The following CCDC144A variants were observed in gnomAD, a reference collection of about 807,000 sequenced individuals.
CCDC144A encodes the protein coiled-coil domain-containing protein 144A.
Under a neutral mutation model 143.8 loss-of-function variants are expected in CCDC144A, and 41 were observed. The observed-to-expected ratio is 0.29, with a 90% CI of 0.22 to 0.37. CCDC144A has a LOEUF of 0.37. Among genes scored for constraint, CCDC144A ranks in the 10% least tolerant of loss-of-function variants. CCDC144A has a pLI of 1.00. For synonymous variants in CCDC144A, 242 were observed against 517.9 expected, an observed-to-expected ratio of 0.47 and a Z score of 7.23; for missense variants, 637 against 1,488.8, an observed-to-expected ratio of 0.43 and a Z score of 9.41.
chr17:16,725,036 T>G (rs1328093734), intron 8 of CCDC144A, among the ~76,000 whole-genome samples: 1 of 111,066 alleles, frequency 9.0e-6, no homozygotes, highest in Admixed American at 9.5e-5. Context: ...TTTTTTTTTG[T>G]GTGAAATCTA....
At chr17:16,763,740 CTTGT>C (rs1308245284) in intron 14 of CCDC144A, among the ~76,000 whole-genome samples, 1 of 151,386 alleles carries the variant, frequency 6.6e-6, no homozygotes, top group Non-Finnish European at 1.5e-5. Flanking sequence ...CTTTGAACTA[CTTGT>C]TTGTTAGAAA....
chr17:16,740,380 A>G (rs1032058647), intron 12 of CCDC144A, among the ~76,000 whole-genome samples: 19 of 152,222 alleles, frequency 1.2e-4, no homozygotes, highest in Non-Finnish European at 2.8e-4. Flanking sequence ...TTATAGTTCA[A>G]TACATAATTC....
intron 12 of CCDC144A, among the ~76,000 whole-genome samples, chr17:16,753,430 T>TTTTTTTGTTGTTGTTG (rs1914904117): frequency 1.5e-5 from 1 of 66,912 alleles, no homozygotes; most frequent in African/African-American, 7.8e-5. Context: ...GTTTTGTAGT[T>TTTTTTTGTTGTTGTTG]TTTTTTTTTT....
intron 11 of CCDC144A, among the ~76,000 whole-genome samples, 171 bp from the exon 12 acceptor site, chr17:16,734,519 T>C (rs1432722656): frequency 1.3e-5 from 2 of 152,336 alleles, no homozygotes; most frequent in Middle Eastern, 3.4e-3. Flanking sequence ...AATAAACTTA[T>C]GAAGTTTTGG....
intron 8 of CCDC144A, among the ~76,000 whole-genome samples, chr17:16,724,374 A>G (rs573434672): frequency 6.6e-6 from 1 of 152,244 alleles, no homozygotes; most frequent in Admixed American, 6.5e-5. Flanking sequence ...TGTCTCTACT[A>G]AAAATACAAA....
chr17:16,704,863 A>G (rs1911954318), intron 2 of CCDC144A, among the ~76,000 whole-genome samples: 1 of 152,222 alleles, frequency 6.6e-6, no homozygotes, highest in South Asian at 2.1e-4. Flanking sequence ...ATATCCACGA[A>G]GAATCTTAAT....
At chr17:16,734,570 T>G (rs2143246691) in intron 11 of CCDC144A, 120 bp from the exon 12 acceptor site, 11 of 798,664 alleles carry the variant, frequency 1.4e-5, no homozygotes, top group South Asian at 2.3e-5. Flanking sequence ...GATAGAATAT[T>G]TTTTTCCAGT....
chr17:16,678,912 G>A, the CCDC144A span, among the ~76,000 whole-genome samples: 2 of 151,754 alleles, frequency 1.3e-5, no homozygotes, highest in African/African-American at 2.4e-5. Context: ...GTGCCACCAC[G>A]CCCGGCTAAT....
chr17:16,745,756 G>A (rs1914471661), intron 12 of CCDC144A: 36 of 1,613,608 alleles, frequency 2.2e-5, no homozygotes, highest in Non-Finnish European at 2.8e-5. Context: ...AAGGCTGGCC[G>A]GTCCTTGTTT....
At chr17:16,668,564 TA>T in the CCDC144A span, among the ~76,000 whole-genome samples, 1 of 152,236 alleles carries the variant, frequency 6.6e-6, no homozygotes, top group African/African-American at 2.4e-5. Context: ...GCTTTTGACA[TA>T]ATGAAAGTGC....
intron 12 of CCDC144A, among the ~76,000 whole-genome samples, chr17:16,745,204 G>A (rs1679115228): frequency 6.8e-6 from 1 of 147,602 alleles, no homozygotes; most frequent in African/African-American, 2.5e-5. Context: ...CGACACCATG[G>A]CTCAGAGGCC....
intron 12 of CCDC144A, among the ~76,000 whole-genome samples, chr17:16,758,178 T>C (rs1227613171): frequency 6.6e-6 from 1 of 152,214 alleles, no homozygotes; most frequent in Non-Finnish European, 1.5e-5. Flanking sequence ...CCTATAACTA[T>C]AATTTAAAAG....
chr17:16,719,999 T>C (rs1243539768), intron 6 of CCDC144A, among the ~76,000 whole-genome samples, 199 bp from the exon 7 acceptor site: 1 of 152,198 alleles, frequency 6.6e-6, no homozygotes, highest in Non-Finnish European at 1.5e-5. Flanking sequence ...CCCTTAATGT[T>C]GCTGTTTCTG....
chr17:16,754,629 G>A (rs1914986774), intron 12 of CCDC144A, among the ~76,000 whole-genome samples: 1 of 152,158 alleles, frequency 6.6e-6, no homozygotes, highest in African/African-American at 2.4e-5. Context: ...TATTTGATAT[G>A]AGCTTTTAAA....
rs1410069472 is a variant in CCDC144A, at chr17:16,777,779, C to T, written c.*4146C>T. On this transcript the variant is annotated 3_prime_UTR_variant, in exon 17 of 17. Coordinates refer to ENST00000399273, the MANE Select transcript of CCDC144A (RefSeq NM_001382000.1). ...AAAAGTCTGAAAGAGCACAAATAAA[C>T]AATCTAAGGTCACACCTCACAGAAT... 7.1e-6 allele frequency: 1 copy of T among 140,512 alleles called. No homozygotes were observed. The highest frequency in any genetic ancestry group is 2.1e-4 in the East Asian group (1 of 4,718). The allele number at this position is 140,512 out of a possible 1,614,324, so 8.7% of individuals were successfully genotyped here.
At chr17:16,667,394 G>A in the CCDC144A span, among the ~76,000 whole-genome samples, 3 of 151,626 alleles carry the variant, frequency 2.0e-5, no homozygotes, top group South Asian at 2.1e-4. Flanking sequence ...TGAGGGGCTT[G>A]AGGGGCCGAG....
the CCDC144A span, among the ~76,000 whole-genome samples, chr17:16,675,614 A>T: frequency 6.6e-6 from 1 of 152,250 alleles, no homozygotes; most frequent in East Asian, 1.9e-4. Flanking sequence ...TCAAAGAAAG[A>T]AAACTATTAA....
chr17:16,669,877 T>C, the CCDC144A span, among the ~76,000 whole-genome samples: 1 of 152,170 alleles, frequency 6.6e-6, no homozygotes, highest in Non-Finnish European at 1.5e-5. Context: ...AAGGTAGATA[T>C]TATGCCAAAA....
At chr17:16,668,007 T>TA in the CCDC144A span, among the ~76,000 whole-genome samples, 1 of 149,278 alleles carries the variant, frequency 6.7e-6, no homozygotes, top group Non-Finnish European at 1.5e-5. Flanking sequence ...TTTTCCAACT[T>TA]AGAGTTAACA....
Sources: allele counts gnomAD v4.1 joint callset (sites outside exome capture counted in the v4.1 genomes callset), GRCh38; gene constraint gnomAD v4.1.1; transcripts MANE v1.5; gene names NCBI Gene and HGNC (gene_info 2026-07-23, HGNC 2026-07-21).